The following IQCM variants were observed in gnomAD, a reference collection of about 807,000 sequenced individuals.
The protein encoded by IQCM is IQ domain-containing protein M.
IQCM carries 45 observed loss-of-function variants against 57.6 expected under a neutral mutation model. The observed-to-expected ratio is 0.78, with a 90% CI of 0.62 to 1.00. The LOEUF (loss-of-function observed/expected upper bound fraction) is 1.00. IQCM is among the 50% of genes least tolerant of loss of function. The pLI is 0.00. For missense variants in IQCM, 468 were observed against 511.6 expected (o/e 0.91, Z 0.82); for synonymous variants, 148 against 158.9 (o/e 0.93, Z 0.51).
chr4:149,705,429 G>T (rs1332673537), intron 5 of IQCM, among the ~76,000 whole-genome samples: 2 of 151,350 alleles, frequency 1.3e-5, no homozygotes, highest in East Asian at 1.9e-4. Context: ...GACAGCAATA[G>T]TTGTGGCATT....
chr4:149,583,951 G>T (rs1400219876), intron 9 of IQCM, among the ~76,000 whole-genome samples: 1 of 151,264 alleles, frequency 6.6e-6, no homozygotes, highest in Non-Finnish European at 1.5e-5. Flanking sequence ...GAAAAAATGA[G>T]ATCCCACTTC....
At chr4:149,717,274 A>G (rs1263578092) in intron 5 of IQCM, among the ~76,000 whole-genome samples, 1 of 152,114 alleles carries the variant, frequency 6.6e-6, no homozygotes, top group Admixed American at 6.5e-5. Flanking sequence ...AACCTATGGG[A>G]TCTGATGCTA....
chr4:149,806,641 G>C (rs1403052901), intron 2 of IQCM, among the ~76,000 whole-genome samples: 1 of 151,844 alleles, frequency 6.6e-6, no homozygotes, highest in Non-Finnish European at 1.5e-5. Flanking sequence ...TAAGTCCCTG[G>C]TTACATTTTA....
intron 7 of IQCM, among the ~76,000 whole-genome samples, chr4:149,678,408 C>T (rs1323014383): frequency 6.6e-6 from 1 of 151,766 alleles, no homozygotes; most frequent in African/African-American, 2.4e-5. Context: ...AATCTATTGC[C>T]AGCTAAGAAT....
intron 2 of IQCM, among the ~76,000 whole-genome samples, chr4:149,792,023 C>G (rs745991357): frequency 3.3e-5 from 5 of 152,086 alleles, no homozygotes; most frequent in Non-Finnish European, 7.4e-5. Flanking sequence ...AATAGGATGG[C>G]AAGCAAAACT....
At chr4:149,684,743 C>G (rs1055815365) in intron 6 of IQCM, among the ~76,000 whole-genome samples, 4 of 151,514 alleles carry the variant, frequency 2.6e-5, no homozygotes, top group African/African-American at 9.6e-5. Context: ...AATCCTTAGT[C>G]ACCACGTCCC....
intron 12 of IQCM, among the ~76,000 whole-genome samples, chr4:149,507,589 G>A (rs1743958988): frequency 6.6e-6 from 1 of 152,112 alleles, no homozygotes; most frequent in African/African-American, 2.4e-5. Context: ...AGATGATTTA[G>A]GATATCTGGC....
At chr4:149,437,656 G>C (rs1186485703) in intron 12 of IQCM, among the ~76,000 whole-genome samples, 2 of 151,900 alleles carry the variant, frequency 1.3e-5, no homozygotes, top group African/African-American at 4.8e-5. Flanking sequence ...TAAGACAGTG[G>C]CTCCAGGGTT....
At chr4:149,437,708 T>C (rs1735505943) in intron 12 of IQCM, among the ~76,000 whole-genome samples, 1 of 151,998 alleles carries the variant, frequency 6.6e-6, no homozygotes, top group South Asian at 2.1e-4. Context: ...AAATAAATAA[T>C]AATAGAGAAT....
At chr4:149,542,264 T>G (rs1260437082) in intron 12 of IQCM, among the ~76,000 whole-genome samples, 1 of 152,050 alleles carries the variant, frequency 6.6e-6, no homozygotes, top group African/African-American at 2.4e-5. Flanking sequence ...TAACTTTTCT[T>G]TTGAAAATTT....
chr4:149,498,071 C>A (rs553059204), intron 12 of IQCM, among the ~76,000 whole-genome samples: 95 of 152,244 alleles, frequency 6.2e-4, no homozygotes, highest in Non-Finnish European at 1.2e-3. Flanking sequence ...ACCACCATTA[C>A]CCTGTACCCA....
intron 13 of IQCM, among the ~76,000 whole-genome samples, chr4:149,378,122 G>A (rs759471932): frequency 6.6e-5 from 10 of 152,252 alleles, no homozygotes; most frequent in Admixed American, 2.0e-4. Flanking sequence ...CATGTAAGAT[G>A]TGCCTTTCAT....
chr4:149,640,481 A>G (rs1360163489), intron 7 of IQCM, among the ~76,000 whole-genome samples: 1 of 152,228 alleles, frequency 6.6e-6, no homozygotes, highest in African/African-American at 2.4e-5. Context: ...GAAGTAGATG[A>G]AAGTGGTTTC....
chr4:149,600,135 A>G (rs193052249), intron 8 of IQCM, among the ~76,000 whole-genome samples: 31 of 152,312 alleles, frequency 2.0e-4, no homozygotes, highest in African/African-American at 6.7e-4. Context: ...ATTGAGGACT[A>G]ATTTGAATGT....
chr4:149,736,580 C>A (rs552996163), intron 3 of IQCM, among the ~76,000 whole-genome samples: 2 of 152,234 alleles, frequency 1.3e-5, no homozygotes, highest in East Asian at 3.9e-4. Flanking sequence ...CTACTCTTCA[C>A]CCACTCAAAT....
At chr4:149,666,338 T>C (rs183207574) in intron 7 of IQCM, 2 of 152,484 alleles carry the variant, frequency 1.3e-5, no homozygotes, top group African/African-American at 4.8e-5. Context: ...GGGAACTCCC[T>C]TCCCTAGCAA....
At chr4:149,531,383 G>A (rs1746732471) in intron 12 of IQCM, among the ~76,000 whole-genome samples, 1 of 152,082 alleles carries the variant, frequency 6.6e-6, no homozygotes, top group Non-Finnish European at 1.5e-5. Context: ...AACTCTGTAT[G>A]TTTCAACCTA....
intron 12 of IQCM, among the ~76,000 whole-genome samples, chr4:149,524,288 G>A (rs1160828870): frequency 6.6e-6 from 1 of 152,004 alleles, no homozygotes; most frequent in Non-Finnish European, 1.5e-5. Flanking sequence ...ATTTTCTGGG[G>A]CAATGAAAAT....
intron 12 of IQCM, among the ~76,000 whole-genome samples, chr4:149,471,158 C>CA (rs545181385): frequency 2.0e-5 from 3 of 151,994 alleles, no homozygotes; most frequent in African/African-American, 4.8e-5. Flanking sequence ...AAAAACCCTT[C>CA]AAAAAATCAA....
Sources: gnomAD v4.1 joint callset for allele counts (sites outside exome capture counted in the v4.1 genomes callset) on GRCh38, gnomAD v4.1.1 for gene constraint, MANE v1.5 for transcripts, NCBI Gene and HGNC (gene_info 2026-07-23, HGNC 2026-07-21) for gene names.